The following PPP4R2 variants were observed in gnomAD, a reference collection of about 807,000 sequenced individuals.
The protein encoded by PPP4R2 is serine/threonine-protein phosphatase 4 regulatory subunit 2.
In PPP4R2, 13 loss-of-function variants were observed where a neutral mutation model predicts 47.2. The observed-to-expected ratio is 0.28, with a 90% CI of 0.18 to 0.44. PPP4R2 has a LOEUF of 0.44. Among genes scored for constraint, PPP4R2 ranks in the 20% least tolerant of loss-of-function variants. PPP4R2 has a pLI of 1.00. For missense variants in PPP4R2, 421 were observed against 491.2 expected (o/e 0.86, Z 1.35); for synonymous variants, 151 against 163.3 (o/e 0.92, Z 0.57).
At chr3:73,021,108 T>TA (rs1024338533) in intron 2 of PPP4R2, among the ~76,000 whole-genome samples, 2 of 152,160 alleles carry the variant, frequency 1.3e-5, no homozygotes, top group African/African-American at 4.8e-5. Context: ...TTTATGCAGA[T>TA]ATGTTTTTGA....
At chr3:73,024,335 A>G (rs1350630805) in intron 2 of PPP4R2, among the ~76,000 whole-genome samples, 2 of 152,166 alleles carry the variant, frequency 1.3e-5, no homozygotes, top group Admixed American at 6.5e-5. Context: ...AAATAGCAAT[A>G]AAGTTACTTT....
At chr3:73,020,545 C>T (rs576338173) in intron 2 of PPP4R2, among the ~76,000 whole-genome samples, 2 of 151,662 alleles carry the variant, frequency 1.3e-5, no homozygotes, top group African/African-American at 4.8e-5. Flanking sequence ...TGGTGTGTGC[C>T]TGTAGTCTCA....
At chr3:72,999,637 T>G (rs1395693525) in intron 2 of PPP4R2, among the ~76,000 whole-genome samples, 1 of 152,266 alleles carries the variant, frequency 6.6e-6, no homozygotes, top group African/African-American at 2.4e-5. Context: ...ATTGAAAGTT[T>G]CTAAAAGATA....
chr3:73,040,028 G>C (rs565937798), intron 2 of PPP4R2, among the ~76,000 whole-genome samples: 8 of 152,276 alleles, frequency 5.3e-5, no homozygotes, highest in Admixed American at 3.9e-4. Flanking sequence ...CTCCAGCCTG[G>C]GCGACAAGAG....
intron 2 of PPP4R2, among the ~76,000 whole-genome samples, chr3:73,002,552 A>G (rs1701491396): frequency 6.6e-6 from 1 of 150,756 alleles, no homozygotes; most frequent in African/African-American, 2.4e-5. Flanking sequence ...AGCTGGTTTC[A>G]TATTTTGGCT....
At chr3:73,033,535 A>G (rs1212850012) in intron 2 of PPP4R2, among the ~76,000 whole-genome samples, 1 of 152,246 alleles carries the variant, frequency 6.6e-6, no homozygotes, top group Non-Finnish European at 1.5e-5. Context: ...CAAAACATGC[A>G]TAAAATGAAA....
chr3:73,041,551 ATGAT>A (rs2107298718), intron 2 of PPP4R2, among the ~76,000 whole-genome samples: 1 of 152,370 alleles, frequency 6.6e-6, no homozygotes, highest in East Asian at 1.9e-4. Flanking sequence ...CCTTTAATGA[ATGAT>A]CATCTCCATT....
chr3:73,026,987 GAGTAGTACC>G (rs1439342654), intron 2 of PPP4R2, among the ~76,000 whole-genome samples: 1 of 152,192 alleles, frequency 6.6e-6, no homozygotes, highest in Non-Finnish European at 1.5e-5. Flanking sequence ...AAAATGCGGA[GAGTAGTACC>G]ACCCAACTCA....
intron 2 of PPP4R2, among the ~76,000 whole-genome samples, chr3:73,018,465 A>ATGTTATGTTTGTTATGTTATGTTAT: frequency 1.1e-5 from 1 of 88,966 alleles, no homozygotes; most frequent in South Asian, 3.1e-4. Flanking sequence ...ATGTTATGTT[A>ATGTTATGTTTGTTATGTTATGTTAT]GTATCCGAAA....
chr3:73,046,665 T>C (rs539808830), intron 2 of PPP4R2, among the ~76,000 whole-genome samples: 41 of 152,220 alleles, frequency 2.7e-4, no homozygotes, highest in Admixed American at 2.4e-3. Context: ...GCCTTTTGTC[T>C]CTTAAGTGAC....
Position 73,039,279 on chromosome 3 carries a change from A to G in PPP4R2, c.117-7907A>G, listed in dbSNP as rs2107293674. Among the ~76,000 whole-genome samples, 2 of 152,178 alleles carry G rather than the reference A, an allele frequency of 1.3e-5. 1 individual carries two copies. The highest frequency in any genetic ancestry group is 3.9e-4 in the East Asian group (2 of 5,150). Reference sequence around the variant, plus strand: ...GCTGGGATTACAGGCATGCCCCACCATGCCAGCTCATTTTTGTATTTTTAG... The same window carrying G: ...GCTGGGATTACAGGCATGCCCCACCGTGCCAGCTCATTTTTGTATTTTTAG... On this transcript the variant is annotated intron_variant, in intron 2 of 8. Transcript: ENST00000356692.
At chr3:73,030,867 A>G (rs1179604740) in intron 2 of PPP4R2, among the ~76,000 whole-genome samples, 1 of 151,750 alleles carries the variant, frequency 6.6e-6, no homozygotes, top group Non-Finnish European at 1.5e-5. Context: ...ATGCCTGGCT[A>G]ATTTTTGTAT....
At chr3:73,013,736 T>A (rs1465022851) in intron 2 of PPP4R2, among the ~76,000 whole-genome samples, 1 of 152,176 alleles carries the variant, frequency 6.6e-6, no homozygotes, top group African/African-American at 2.4e-5. Context: ...CCTCCTGGTT[T>A]CAAGCAATTT....
At chr3:73,033,096 TATC>T (rs1450535963) in intron 2 of PPP4R2, among the ~76,000 whole-genome samples, 1 of 152,226 alleles carries the variant, frequency 6.6e-6, no homozygotes, top group Non-Finnish European at 1.5e-5. Context: ...CTAGATACCA[TATC>T]ATGCTCTTTC....
At chr3:73,010,346 C>T (rs1023449602) in intron 2 of PPP4R2, among the ~76,000 whole-genome samples, 1 of 152,010 alleles carries the variant, frequency 6.6e-6, no homozygotes. Flanking sequence ...CCTCAGCCCC[C>T]GCCCGCAGTA....
rs756893834 is a variant in PPP4R2, at chr3:73,065,076, A to G, written c.863A>G (p.Asp288Gly). Residue 288 changes from aspartate (D) to glycine (G), a missense_variant, in exon 8 of 9, where the codon GAT becomes GGT. Asp to Gly is a moderately conservative substitution (Grantham distance 94). This residue lies in a region of PPP4R2 where 317 missense variants were observed against 287.5 expected (regional missense o/e 1.10). Transcript: ENST00000356692. ...TCTTCATCTCAGGATAAAGACAAAG[A>G]TAGCCGTTGTACCCGGCAGCACTGT... ...ASSSSQDKDK[D>G]SRCTRQHCTE... 13 of 1,614,070 alleles carry G rather than the reference A, an allele frequency of 8.1e-6. No homozygotes were observed. The East Asian group carries it at 2.7e-4, about 33-fold the overall frequency.
chr3:72,997,073 TG>T lies in PPP4R2; in HGVS notation c.34+7del, dbSNP rs1434813481. On this transcript the variant is annotated splice_donor_region_variant and intron_variant, in intron 1 of 8. Coordinates refer to ENST00000356692, the MANE Select transcript of PPP4R2 (RefSeq NM_174907.4). ...AGAGGCTCCAGGAGGCGCTGAAAGG[TG>T]GGGGTAGCTGCCCCCTCTCCATTCC... The T allele has an allele frequency of 5.0e-6, 7 of 1,396,170 alleles. No homozygotes were observed. The South Asian group carries it at 9.5e-5, about 19-fold the overall frequency. The allele number at this position is 1,396,170 out of a possible 1,614,324, so 86.5% of individuals were successfully genotyped here. A position where few individuals can be genotyped will look rare whatever the true frequency, so the allele number is the denominator to read the frequency against.
rs1388622699 is a variant in PPP4R2, at chr3:72,996,886, T to TCCCCCGGCTCCCTTCGTTTC, written c.-146_-127dup. The TCCCCCGGCTCCCTTCGTTTC allele has an allele frequency of 1.8e-5, 8 of 448,908 alleles. No individual in the cohort carries two copies. The highest frequency in any genetic ancestry group is 3.1e-5 in the Non-Finnish European group (8 of 258,858). The allele number at this position is 448,908 out of a possible 1,614,324, so 27.8% of individuals were successfully genotyped here. On this transcript the variant is annotated 5_prime_UTR_variant, in exon 1 of 9. Transcript: ENST00000356692. Reference sequence around the variant, plus strand: ...TGTCGGTCTTGCTCTCTCGCACGCTTCCCCCGGCTCCCTTCGTTTCCCCCC... The same window carrying TCCCCCGGCTCCCTTCGTTTC: ...TGTCGGTCTTGCTCTCTCGCACGCTTCCCCCGGCTCCCTTCGTTTCCCCCCGGCTCCCTTCGTTTCCCCCC...
rs2107184637 is a variant in PPP4R2 at position 72,996,940 on chromosome 3, C to T, written c.-98C>T. On this transcript the variant is annotated 5_prime_UTR_variant, in exon 1 of 9. Coordinates refer to ENST00000356692, the MANE Select transcript of PPP4R2 (RefSeq NM_174907.4). ...GGTCGCCTGCGTGCCGGAGTGTGTG[C>T]GAGGGAGGGGGAGGGCGTCGGGGGG... 1 of 948,402 alleles carries T rather than the reference C, an allele frequency of 1.1e-6. No individual in the cohort carries two copies. The highest frequency in any genetic ancestry group is 1.4e-6 in the Non-Finnish European group (1 of 702,866). 58.7% of individuals were successfully genotyped at this position (948,402 alleles called of 1,614,324 possible).
Sources: gnomAD v4.1 joint callset for allele counts (sites outside exome capture counted in the v4.1 genomes callset) on GRCh38, gnomAD v4.1.1 for gene constraint, gnomAD v4.1.1 regional missense constraint, MANE v1.5 for transcripts, NCBI Gene and HGNC (gene_info 2026-07-23, HGNC 2026-07-21) for gene names.